The following RBFOX1 variants were observed in gnomAD, a reference collection of about 807,000 sequenced individuals.
RBFOX1 encodes the protein RNA binding fox-1 homolog 1, also known as RNA binding protein fox-1 homolog 1.
Under a neutral mutation model 57.7 loss-of-function variants are expected in RBFOX1, and 8 were observed. That is an observed-to-expected ratio of 0.14 (90% CI 0.08 to 0.25). The LOEUF is 0.25. Among genes scored for constraint, RBFOX1 ranks in the 10% least tolerant of loss-of-function variants. The pLI is 1.00. For synonymous variants in RBFOX1, 326 were observed against 222.4 expected (o/e 1.47, Z -4.15); for missense variants, 611 against 548.5 (o/e 1.11, Z -1.14).
chr16:7,407,784 A>G (rs1368636427), intron 4 of RBFOX1, among the ~76,000 whole-genome samples: 5 of 152,118 alleles, frequency 3.3e-5, no homozygotes, highest in African/African-American at 7.2e-5. Flanking sequence ...AGTCTATTCC[A>G]TTACACTCTG....
intron 5 of RBFOX1, among the ~76,000 whole-genome samples, chr16:7,567,943 G>A (rs1182935338): frequency 1.3e-5 from 2 of 149,866 alleles, no homozygotes; most frequent in Non-Finnish European, 3.0e-5. Flanking sequence ...AATTAAAGCT[G>A]GATATTTTTT....
intron 3 of RBFOX1, among the ~76,000 whole-genome samples, chr16:7,013,699 C>G (rs1375869229): frequency 6.6e-6 from 1 of 152,106 alleles, no homozygotes; most frequent in Non-Finnish European, 1.5e-5. Context: ...TCTCTGTTGC[C>G]CAGGCTGGAG....
intron 4 of RBFOX1, among the ~76,000 whole-genome samples, chr16:7,107,920 A>G (rs1178270353): frequency 2.0e-5 from 3 of 152,106 alleles, no homozygotes; most frequent in Admixed American, 2.0e-4. Flanking sequence ...TTCTGACTTG[A>G]AAAAGGCAGA....
intron 1 of RBFOX1, among the ~76,000 whole-genome samples, chr16:6,157,743 A>G (rs969853049): frequency 6.6e-6 from 1 of 152,222 alleles, no homozygotes; most frequent in Non-Finnish European, 1.5e-5. Flanking sequence ...TTGAATGTAT[A>G]GGTTTAAATA....
chr16:7,054,074 C>G (rs1245450181), intron 4 of RBFOX1, among the ~76,000 whole-genome samples: 1 of 151,388 alleles, frequency 6.6e-6, no homozygotes, highest in South Asian at 2.1e-4. Context: ...TTCTTCTGCC[C>G]TCTTCATTTT....
chr16:6,846,816 G>A (rs948372176), intron 3 of RBFOX1, among the ~76,000 whole-genome samples: 5 of 151,830 alleles, frequency 3.3e-5, no homozygotes, highest in Non-Finnish European at 7.4e-5. Flanking sequence ...GTAAGCAGCT[G>A]CTTTAATAAG....
At chr16:5,598,063 G>A (rs934509746) in intron 2 of RBFOX1, among the ~76,000 whole-genome samples, 5 of 152,048 alleles carry the variant, frequency 3.3e-5, no homozygotes, top group Admixed American at 6.6e-5. Flanking sequence ...TTGGGAGGCC[G>A]AGGCAGGTGG....
chr16:7,662,460 G>A (rs74011955), intron 12 of RBFOX1, among the ~76,000 whole-genome samples: 4,052 of 152,194 alleles, frequency 0.027, 104 homozygotes, highest in East Asian at 0.15. Context: ...ATCTCCTTCT[G>A]ACGCCTTCTC....
chr16:6,905,659 A>C (rs952506850), intron 3 of RBFOX1, among the ~76,000 whole-genome samples: 3 of 151,888 alleles, frequency 2.0e-5, no homozygotes, highest in African/African-American at 7.3e-5. Context: ...CATTGCCCCC[A>C]CCATCACCAC....
chr16:7,633,896 TTTTCTCTTCCAGATTAGGTG>T (rs2061361866), intron 11 of RBFOX1, among the ~76,000 whole-genome samples: 1 of 152,178 alleles, frequency 6.6e-6, no homozygotes, highest in Non-Finnish European at 1.5e-5. Context: ...TCACTTAGGT[TTTTCTCTTCCAGATTAGGTG>T]CATATTCTAC....
chr16:5,918,316 C>T (rs954781119), intron 4 of RBFOX1, among the ~76,000 whole-genome samples: 2 of 152,150 alleles, frequency 1.3e-5, no homozygotes, highest in Non-Finnish European at 2.9e-5. Context: ...GACGGGGTTT[C>T]ACCATGTTGG....
At chr16:7,438,432 C>G (rs1382794454) in intron 4 of RBFOX1, among the ~76,000 whole-genome samples, 1 of 151,928 alleles carries the variant, frequency 6.6e-6, no homozygotes, top group East Asian at 1.9e-4. Context: ...TTGCCCTGTC[C>G]TGGGAGGGCA....
At chr16:6,262,090 G>C (rs1000972432) in intron 1 of RBFOX1, among the ~76,000 whole-genome samples, 9 of 152,014 alleles carry the variant, frequency 5.9e-5, no homozygotes, top group African/African-American at 2.2e-4. Flanking sequence ...GTGAAACGTA[G>C]AGATGACAAA....
intron 3 of RBFOX1, among the ~76,000 whole-genome samples, chr16:6,732,444 T>A (rs1204808312): frequency 6.6e-6 from 1 of 151,932 alleles, no homozygotes; most frequent in Non-Finnish European, 1.5e-5. Flanking sequence ...CACTGGGGAG[T>A]TTATTGAGGA....
chr16:7,243,876 G>C (rs908355616), intron 4 of RBFOX1, among the ~76,000 whole-genome samples: 1 of 152,064 alleles, frequency 6.6e-6, no homozygotes, highest in Non-Finnish European at 1.5e-5. Flanking sequence ...TAATGATTAT[G>C]TTATAATCTG....
intron 3 of RBFOX1, among the ~76,000 whole-genome samples, chr16:6,763,034 T>G (rs527825991): frequency 3.1e-5 from 1 of 31,764 alleles, no homozygotes; most frequent in Admixed American, 3.0e-4. Flanking sequence ...GTGACGTTCA[T>G]TCATGGCTGT....
At chr16:7,445,093 C>A (rs749024509) in intron 4 of RBFOX1, among the ~76,000 whole-genome samples, 1 of 142,026 alleles carries the variant, frequency 7.0e-6, no homozygotes, top group Non-Finnish European at 1.5e-5. Flanking sequence ...GTCTTGTCAG[C>A]TGGGGATGCT....
At chr16:5,775,607 C>G (rs747663744) in intron 3 of RBFOX1, among the ~76,000 whole-genome samples, 1 of 152,202 alleles carries the variant, frequency 6.6e-6, no homozygotes, top group Admixed American at 6.5e-5. Flanking sequence ...GCCATCCATA[C>G]CTCTTTCCCT....
intron 2 of RBFOX1, among the ~76,000 whole-genome samples, chr16:6,644,966 T>C (rs896820647): frequency 2.6e-5 from 4 of 152,166 alleles, no homozygotes; most frequent in African/African-American, 9.6e-5. Flanking sequence ...ATCTAGGTGC[T>C]TAAAACAACT....
Sources: allele counts gnomAD v4.1 joint callset (sites outside exome capture counted in the v4.1 genomes callset), GRCh38; gene constraint gnomAD v4.1.1; transcripts MANE v1.5; gene names NCBI Gene and HGNC (gene_info 2026-07-23, HGNC 2026-07-21).